CLK4: variants seen among roughly 807,000 people sequenced by gnomAD.
CLK4 encodes the protein CDC like kinase 4, also known as dual specificity protein kinase CLK4.
In CLK4, 37 loss-of-function variants were observed where a neutral mutation model predicts 64.4. That is an observed-to-expected ratio of 0.57 (90% CI 0.44 to 0.76). The LOEUF (loss-of-function observed/expected upper bound fraction) is 0.76, where lower values mean the gene tolerates loss of function less well. Ranked by LOEUF, CLK4 falls within the 30% of genes least tolerant of loss-of-function variation. CLK4 has a pLI of 0.00. For synonymous variants in CLK4, 175 were observed against 191.6 expected, an observed-to-expected ratio of 0.91 and a Z score of 0.72; for missense variants, 457 against 605.1, an observed-to-expected ratio of 0.76 and a Z score of 2.57.
rs746662958 is a variant in CLK4, at chr5:178,603,651, T to C, written c.1412A>G (p.Gln471Arg). 1 of 1,595,562 alleles carries C rather than the reference T, an allele frequency of 6.3e-7. No individual in the cohort carries two copies. Among genetic ancestry groups the C allele is most frequent in the Non-Finnish European group, 8.5e-7 (1 of 1,174,704 alleles). The change falls in exon 13 of 13, where the codon CAG becomes CGG. Residue 471 changes from glutamine (Q) to arginine (R), a missense_variant. Gln to Arg is a conservative substitution (Grantham distance 43). Transcript: ENST00000316308. The part of the protein sequence containing the change: ...TQRITLDEAL[Q>R]HPFFDLLKKK ...TTTTAATAAGTCAAAGAAAGGATGC[T>C]GCAATGCTTCATCCAAGGTAATTCT... is the stretch of plus-strand genomic sequence containing the variant.
Position 178,603,023 on chromosome 5 carries a change from C to A in CLK4, c.*594G>T, listed in dbSNP as rs1764408363. On this transcript the variant is annotated 3_prime_UTR_variant, in exon 13 of 13. Transcript: ENST00000316308. ...TGTGTATGTGGTTTTATTAAACAAACTGTCACAATGGACAAACTGCATGCC... is the reference window on the plus strand; with the variant it reads ...TGTGTATGTGGTTTTATTAAACAAAATGTCACAATGGACAAACTGCATGCC... 1 of 152,382 alleles carries A rather than the reference C, an allele frequency of 6.6e-6. No homozygotes were observed. The highest frequency in any genetic ancestry group is 2.1e-4 in the South Asian group (1 of 4,830). 9.4% of individuals were successfully genotyped at this position (152,382 alleles called of 1,614,324 possible).
intron 11 of CLK4, chr5:178,605,026 G>T: frequency 1.1e-5 from 2 of 183,096 alleles, no homozygotes; most frequent in East Asian, 1.4e-4. Context: ...GCGACTCAGG[G>T]GGCTGAGGCA....
At chr5:178,608,732 G>A (rs1418191712) in intron 9 of CLK4, among the ~76,000 whole-genome samples, 6 of 152,144 alleles carry the variant, frequency 3.9e-5, no homozygotes, top group African/African-American at 2.4e-5. Context: ...CAACCAATTC[G>A]TGCAAATATT....
Position 178,617,391 on chromosome 5 carries a change from T to C in CLK4, c.428A>G (p.Glu143Gly), listed in dbSNP as rs539055991. The change falls in exon 4 of 13, where the codon GAG becomes GGG. Residue 143 changes from glutamate to glycine, a missense_variant. By Grantham distance (98) the Glu-to-Gly change is moderately conservative. Transcript: ENST00000316308. This position sits in a 1 kb window ranked among gnomAD's most constrained non-coding sequence, Gnocchi z 5.2. ...RKRSRSIEDDEEGHLICQSGD... is the reference protein window; with the variant it reads ...RKRSRSIEDDGEGHLICQSGD... ...ACTTTGACAGATCAGGTGACCCTCC[T>C]CATCATCCTCTATACTCCTGGATCT... 1 of 1,614,098 alleles carries C rather than the reference T, an allele frequency of 6.2e-7. No homozygotes were observed. The highest frequency in any genetic ancestry group is 1.3e-5 in the African/African-American group (1 of 75,054).
At chr5:178,618,514 C>A (rs182200882) in intron 3 of CLK4, 42 bp downstream of exon 3, 10 of 1,409,126 alleles carry the variant, frequency 7.1e-6, no homozygotes, top group Non-Finnish European at 9.9e-6. Context: ...AGAGTACACA[C>A]AAATAAAACT....
chr5:178,613,313 C>T (rs188528626), intron 7 of CLK4, among the ~76,000 whole-genome samples, 160 bp downstream of exon 7: 21 of 152,104 alleles, frequency 1.4e-4, no homozygotes, highest in African/African-American at 5.1e-4. Context: ...CCCAGCTACT[C>T]GGGAGGCTGA....
At chr5:178,625,894 G>A (rs1764772440) in intron 1 of CLK4, among the ~76,000 whole-genome samples, 1 of 152,166 alleles carries the variant, frequency 6.6e-6, no homozygotes, top group Non-Finnish European at 1.5e-5. Flanking sequence ...CCCGACCCAC[G>A]TTCTACGTGG....
intron 2 of CLK4, 190 bp downstream of exon 2, chr5:178,623,066 G>A: frequency 1.8e-6 from 1 of 561,926 alleles, no homozygotes; most frequent in East Asian, 3.2e-5. Flanking sequence ...ACATACATAA[G>A]GATAAGAACT....
chr5:178,608,879 T>C (rs1484396274), intron 9 of CLK4, among the ~76,000 whole-genome samples: 2 of 152,242 alleles, frequency 1.3e-5, no homozygotes, highest in African/African-American at 4.8e-5. Context: ...CAGAATGAAA[T>C]TACTAATGCC....
intron 9 of CLK4, among the ~76,000 whole-genome samples, chr5:178,609,600 T>A (rs1055398566): frequency 6.6e-6 from 1 of 152,002 alleles, no homozygotes; most frequent in Non-Finnish European, 1.5e-5. Context: ...GGAGAATGGC[T>A]TGAAACCGGA....
At chr5:178,612,283 A>AT in intron 9 of CLK4, 133 bp downstream of exon 9, 4 of 769,202 alleles carry the variant, frequency 5.2e-6, no homozygotes, top group Non-Finnish European at 2.0e-6. Flanking sequence ...ATGTCCACAC[A>AT]TTTTTTATGA....
chr5:178,616,817 T>C (rs539932501), intron 5 of CLK4, 65 bp downstream of exon 5: 1 of 1,183,520 alleles, frequency 8.4e-7, no homozygotes, highest in East Asian at 2.4e-5. Context: ...TAAAATTTCA[T>C]CTGAATTATG....
intron 7 of CLK4, 100 bp downstream of exon 7, chr5:178,613,373 A>C (rs1289906084): frequency 2.9e-5 from 23 of 781,864 alleles, no homozygotes; most frequent in Non-Finnish European, 3.6e-5. Flanking sequence ...GGGACCCGAG[A>C]GCGCCACTGC....
chr5:178,626,012 A>G (rs1247368824), intron 1 of CLK4, among the ~76,000 whole-genome samples: 2 of 152,210 alleles, frequency 1.3e-5, no homozygotes, highest in Non-Finnish European at 1.5e-5. Flanking sequence ...AAATAATGAC[A>G]CAATGGATCT....
intron 9 of CLK4, among the ~76,000 whole-genome samples, chr5:178,609,631 T>C (rs1338671751): frequency 1.3e-5 from 2 of 151,638 alleles, no homozygotes; most frequent in Admixed American, 6.6e-5. Context: ...TGCAGTAAGC[T>C]GAGATTGCGC....
rs1764660714 is a variant in CLK4 at position 178,618,583 on chromosome 5, T to C, written c.357A>G (p.Arg119=). ...AACGTGACTGATGACTTGAACAGTGTCTATTGCGCTTCCTTTTAGGACTGC... is the reference window on the plus strand; with the variant it reads ...AACGTGACTGATGACTTGAACAGTGCCTATTGCGCTTCCTTTTAGGACTGC... ...RRSSPKRKRN[R]HCSSHQSRSK... is the part of the protein sequence containing the mutation. The change falls in exon 3 of 13, where the codon AGA becomes AGG. Residue 119 remains arginine, a synonymous_variant. Coordinates refer to ENST00000316308, the MANE Select transcript of CLK4 (RefSeq NM_020666.3). The C allele has an allele frequency of 6.2e-7, 1 of 1,613,952 alleles. No homozygotes were observed. The highest frequency in any genetic ancestry group is 1.3e-5 in the African/African-American group (1 of 75,016).
In CLK4 at chr5:178,617,273, C is replaced by T. The variant is rs192244247; in HGVS notation, c.475+71G>A. ...AGCAATGAAGAGTTCTTTAGCCCCC[C>T]GCTGACAAACTATTCTTAAAAAGAT... is the stretch of plus-strand genomic sequence containing the variant. On this transcript the variant is annotated intron_variant, in intron 4 of 12. Transcript: ENST00000316308. The surrounding 1 kb of genome is among the most constrained non-coding windows in gnomAD (Gnocchi z 5.2). The T allele has an allele frequency of 4.0e-6, 5 of 1,260,254 alleles. No individual in the cohort carries two copies. The highest frequency in any genetic ancestry group is 3.6e-5 in the South Asian group (3 of 82,636). The allele number at this position is 1,260,254 out of a possible 1,614,324, so 78.1% of individuals were successfully genotyped here. A position where few individuals can be genotyped will look rare whatever the true frequency, so the allele number is the denominator to read the frequency against.
intron 10 of CLK4, among the ~76,000 whole-genome samples, chr5:178,607,507 CTTTTTTTTTTTTT>C (rs70997615): frequency 2.6e-5 from 2 of 78,078 alleles, no homozygotes; most frequent in African/African-American, 5.1e-5. Context: ...TACACTTTGT[CTTTTTTTTTTTTT>C]TTTTTTTTTG....
intron 2 of CLK4, among the ~76,000 whole-genome samples, chr5:178,619,352 T>C (rs1764672927): frequency 6.6e-6 from 1 of 152,226 alleles, no homozygotes; most frequent in Non-Finnish European, 1.5e-5. Flanking sequence ...AAACCACTAT[T>C]ATACAGGCCA....
Sources: gnomAD v4.1 joint callset for allele counts (sites outside exome capture counted in the v4.1 genomes callset) on GRCh38, gnomAD v4.1.1 for gene constraint, Gnocchi (gnomAD v3.1) non-coding constraint, MANE v1.5 for transcripts, NCBI Gene and HGNC (gene_info 2026-07-23, HGNC 2026-07-21) for gene names.